The following PDILT variants were observed in gnomAD, a reference collection of about 807,000 sequenced individuals.
The protein encoded by PDILT is protein disulfide-isomerase-like protein of the testis.
A neutral mutation model predicts 53.7 loss-of-function variants in PDILT; 43 were observed. The ratio of observed to expected loss-of-function variants is 0.80; its 90% confidence interval spans 0.63 to 1.03. The LOEUF is 1.03. Ranked by LOEUF, PDILT falls within the 50% of genes least tolerant of loss-of-function variation. The pLI is 0.00. For synonymous variants in PDILT, 282 were observed against 274.2 expected (o/e 1.03, Z -0.28); for missense variants, 727 against 712.3 (o/e 1.02, Z -0.24).
rs143343359 is a variant in PDILT, at chr16:20,384,818, G to A, written c.236C>T (p.Ala79Val). ...CTCCACAGCTTTGCCCAGCTCTTCC[G>A]CCAAGTTCCTGGATTGCTTTGAGGA... ...NPSSKQSRNL[A>V]EELGKAVEIM... Residue 79 changes from alanine (A) to valine (V), a missense_variant, in exon 3 of 12, where the codon GCG becomes GTG. Transcript: ENST00000302451. 420 of 1,614,112 alleles carry A rather than the reference G, an allele frequency of 2.6e-4. No individual in the cohort carries two copies. The highest frequency in any genetic ancestry group is 1.9e-3 in the African/African-American group (142 of 75,014).
chr16:20,395,801 C>T (rs1419767681), intron 2 of PDILT, among the ~76,000 whole-genome samples: 8 of 152,134 alleles, frequency 5.3e-5, no homozygotes, highest in East Asian at 3.9e-4. Flanking sequence ...GCCTGGCAGC[C>T]GCTGCTCCTC....
At position 20,361,894 on chromosome 16, in the gene PDILT, T is replaced by A. The variant is rs558934349; in HGVS notation, c.1416+510A>T. Among the ~76,000 whole-genome samples, 174 of 152,224 alleles carry A rather than the reference T, an allele frequency of 1.1e-3. 1 individual carries two copies. Among genetic ancestry groups the A allele is most frequent in the Non-Finnish European group, 7.9e-4 (54 of 68,030 alleles). On this transcript the variant is annotated intron_variant, in intron 10 of 11. Coordinates refer to ENST00000302451, the MANE Select transcript of PDILT (RefSeq NM_174924.2). Reference sequence around the variant, plus strand: ...TAAGGAGCAGGAACCTGGGCTCACATTTCTTTGACTGATGCTCTTTCCCAT... The same window carrying A: ...TAAGGAGCAGGAACCTGGGCTCACAATTCTTTGACTGATGCTCTTTCCCAT...
intron 2 of PDILT, chr16:20,385,837 A>G (rs567632034): frequency 3.3e-5 from 5 of 152,338 alleles, no homozygotes; most frequent in South Asian, 4.1e-4. Flanking sequence ...GTCTAGAGGG[A>G]AATTTTCCAA....
rs1405598167 is a variant in PDILT at position 20,369,658 on chromosome 16, G to T, written c.950C>A (p.Pro317His). 1 of 1,614,170 alleles carries T rather than the reference G, an allele frequency of 6.2e-7. No individual in the cohort carries two copies. Residue 317 changes from proline to histidine, a missense_variant, in exon 8 of 12, where the codon CCC (proline) becomes CAC (histidine). By Grantham distance (77) the Pro-to-His change is moderately conservative. Coordinates refer to ENST00000302451, the MANE Select transcript of PDILT (RefSeq NM_174924.2). ...GTACTTGAAGACACGTCCATTTCTG[G>T]GTTCGTCTGCATCCACAAGGATGAA... ...ILFILVDADE[P>H]RNGRVFKYFR...
At chr16:20,380,487 C>T (rs1966447446) in intron 3 of PDILT, among the ~76,000 whole-genome samples, 1 of 152,090 alleles carries the variant, frequency 6.6e-6, no homozygotes, top group African/African-American at 2.4e-5. Flanking sequence ...CAGGTGCCCG[C>T]CACCACACCC....
rs1295249670 is a variant in PDILT, at chr16:20,376,167, C to T, written c.444G>A (p.Leu148=). The change falls in exon 4 of 12, where the codon TTG becomes TTA. Residue 148 remains leucine, a synonymous_variant. Transcript: ENST00000302451. ...VVESAALVVW[L]RRQISQKAFL... The stretch of plus-strand genomic sequence containing the variant: ...ATGCTTTCTGGCTAATTTGTCGTCT[C>T]AACCAAACGACTAAGGCAGCAGATT... 1 of 1,614,174 alleles carries T rather than the reference C, an allele frequency of 6.2e-7. No homozygotes were observed.
chr16:20,387,970 C>T (rs963766415), intron 2 of PDILT, among the ~76,000 whole-genome samples: 2 of 151,980 alleles, frequency 1.3e-5, no homozygotes, highest in Non-Finnish European at 2.9e-5. Flanking sequence ...TACAGTAATC[C>T]AGGCAAGAGA....
At chr16:20,400,203 T>C (rs1166134287) in intron 1 of PDILT, among the ~76,000 whole-genome samples, 1 of 151,850 alleles carries the variant, frequency 6.6e-6, no homozygotes, top group African/African-American at 2.4e-5. Flanking sequence ...GCCTCCCAAG[T>C]AGTTGAGATT....
rs200156403 is a variant in PDILT, at chr16:20,359,388, C to A, written c.1686G>T (p.Val562=). ...AGKKKTSEEV[V]VVVAKPKGPP... ...GTCCCTTTGGCTTAGCCACCACCAC[C>A]ACCACCTCCTCAGATGTTTTCTTCT... Residue 562 remains valine (V), a synonymous_variant, in exon 12 of 12, where the codon GTG becomes GTT. Coordinates refer to ENST00000302451, the MANE Select transcript of PDILT (RefSeq NM_174924.2). The A allele has an allele frequency of 6.2e-7, 1 of 1,614,202 alleles. No individual in the cohort carries two copies. The highest frequency in any genetic ancestry group is 8.5e-7 in the Non-Finnish European group (1 of 1,180,034).
chr16:20,399,266 G>A lies in PDILT; in HGVS notation c.35C>T (p.Ala12Val), dbSNP rs1966700584. ...GCTGTGGACAGCAGAGACACAAGCGGCCACCAGCAGCAGGGGCATCCAGAG... is the reference window on the plus strand; with the variant it reads ...GCTGTGGACAGCAGAGACACAAGCGACCACCAGCAGCAGGGGCATCCAGAG... ...DLLWMPLLLVAACVSAVHSSP... is the reference protein window; with the variant it reads ...DLLWMPLLLVVACVSAVHSSP... Residue 12 changes from alanine (A) to valine (V), a missense_variant, in exon 2 of 12, where the codon GCC (alanine) becomes GTC (valine). Ala to Val is a moderately conservative substitution (Grantham distance 64). Coordinates refer to ENST00000302451, the MANE Select transcript of PDILT (RefSeq NM_174924.2). 1.2e-6 allele frequency: 2 copies of A among 1,614,036 alleles called. No homozygotes were observed. The highest frequency in any genetic ancestry group is 2.7e-5 in the African/African-American group (2 of 75,050).
intron 2 of PDILT, among the ~76,000 whole-genome samples, chr16:20,387,423 T>G (rs759376397): frequency 2.6e-5 from 4 of 151,960 alleles, no homozygotes; most frequent in Non-Finnish European, 4.4e-5. Flanking sequence ...GGCCCTGAGG[T>G]GGGGCATGTG....
chr16:20,361,981 C>G (rs1966109167), intron 10 of PDILT, among the ~76,000 whole-genome samples: 1 of 152,150 alleles, frequency 6.6e-6, no homozygotes, highest in Admixed American at 6.5e-5. Flanking sequence ...GACTGTAATC[C>G]CAAGGTGGAA....
At chr16:20,376,581 A>T (rs1303191208) in intron 3 of PDILT, among the ~76,000 whole-genome samples, 1 of 152,190 alleles carries the variant, frequency 6.6e-6, no homozygotes, top group Non-Finnish European at 1.5e-5. Context: ...GCATTTCCAG[A>T]CTTCTTTTCT....
At chr16:20,398,825 C>T (rs759422197) in intron 2 of PDILT, among the ~76,000 whole-genome samples, 4 of 152,158 alleles carry the variant, frequency 2.6e-5, no homozygotes, top group Admixed American at 1.3e-4. Context: ...ACAGACACCT[C>T]GGGTTAAAGC....
At chr16:20,400,545 A>G (rs1966726752) in intron 1 of PDILT, among the ~76,000 whole-genome samples, 2 of 151,752 alleles carry the variant, frequency 1.3e-5, no homozygotes, top group South Asian at 4.2e-4. Flanking sequence ...AGAATTGCTC[A>G]GGATGGGGTC....
At chr16:20,392,358 G>C (rs922425094) in intron 2 of PDILT, among the ~76,000 whole-genome samples, 22 of 152,058 alleles carry the variant, frequency 1.4e-4, no homozygotes, top group African/African-American at 4.8e-4. Context: ...GGACAATGTG[G>C]GACTGCAAAG....
chr16:20,369,857 G>A (rs1191190732), intron 7 of PDILT, among the ~76,000 whole-genome samples, 168 bp from the exon 8 acceptor site: 1 of 152,236 alleles, frequency 6.6e-6, no homozygotes. Flanking sequence ...GCAGGCAGTA[G>A]CCACCAGCCT....
chr16:20,399,375 C>A, intron 1 of PDILT, 68 bp from the exon 2 acceptor site: 3 of 1,515,644 alleles, frequency 2.0e-6, no homozygotes, highest in Admixed American at 3.4e-5. Context: ...TCATCACCCC[C>A]ACTTCCTTGT....
intron 3 of PDILT, among the ~76,000 whole-genome samples, chr16:20,381,206 G>A (rs1377495059): frequency 6.6e-6 from 1 of 152,192 alleles, no homozygotes; most frequent in Admixed American, 6.5e-5. Context: ...GACCCTGCAA[G>A]GACTAAATCC....
Sources: allele counts gnomAD v4.1 joint callset (sites outside exome capture counted in the v4.1 genomes callset), GRCh38; gene constraint gnomAD v4.1.1; transcripts MANE v1.5; gene names NCBI Gene and HGNC (gene_info 2026-07-23, HGNC 2026-07-21).